Variants in APLP2 observed in about 807,000 individuals in gnomAD.
APLP2 encodes the protein CDEI box-binding protein.
A neutral mutation model predicts 89.9 loss-of-function variants in APLP2; 53 were observed. The observed-to-expected ratio is 0.59, with a 90% CI of 0.47 to 0.74. The LOEUF (loss-of-function observed/expected upper bound fraction) is 0.74, where lower values mean the gene tolerates loss of function less well. Among genes scored for constraint, APLP2 ranks in the 30% least tolerant of loss-of-function variants. APLP2 has a pLI of 0.00. For synonymous variants in APLP2, 372 were observed against 348.6 expected (o/e 1.07, Z -0.75); for missense variants, 973 against 975.9 (o/e 1.00, Z 0.04).
At chr11:130,089,187 T>G (rs1228189773) in intron 1 of APLP2, among the ~76,000 whole-genome samples, 3 of 152,220 alleles carry the variant, frequency 2.0e-5, no homozygotes, top group Non-Finnish European at 2.9e-5. Context: ...TCTGTCACTT[T>G]CCTATTCACA....
chr11:130,129,002 CTCT>C, intron 9 of APLP2, 43 bp from the exon 10 acceptor site: 1 of 1,581,908 alleles, frequency 6.3e-7, no homozygotes, highest in Non-Finnish European at 8.6e-7. Context: ...CTTAGGCTTC[CTCT>C]GGGTGCCACA....
intron 11 of APLP2, among the ~76,000 whole-genome samples, chr11:130,132,413 C>T (rs777549982): frequency 6.6e-6 from 1 of 151,844 alleles, no homozygotes; most frequent in Non-Finnish European, 1.5e-5. Context: ...CATAATTAAT[C>T]CACTGGTTTC....
chr11:130,101,714 C>T (rs936914712), intron 1 of APLP2, among the ~76,000 whole-genome samples: 1 of 152,104 alleles, frequency 6.6e-6, no homozygotes, highest in African/African-American at 2.4e-5. Context: ...CAAGAGTTCC[C>T]CTATACTGTA....
chr11:130,094,505 T>G (rs1945927494), intron 1 of APLP2, among the ~76,000 whole-genome samples: 1 of 152,166 alleles, frequency 6.6e-6, no homozygotes, highest in African/African-American at 2.4e-5. Flanking sequence ...TACTTCTATA[T>G]GTAAAAAAAC....
intron 5 of APLP2, among the ~76,000 whole-genome samples, 194 bp from the exon 6 acceptor site, chr11:130,122,111 G>A (rs1949891211): frequency 1.3e-5 from 2 of 152,118 alleles, no homozygotes; most frequent in Non-Finnish European, 2.9e-5. Flanking sequence ...GTTGTATCAT[G>A]ATTAGATTCA....
chr11:130,130,498 G>T (rs529241752), intron 11 of APLP2, among the ~76,000 whole-genome samples: 4 of 152,182 alleles, frequency 2.6e-5, no homozygotes, highest in East Asian at 1.9e-4. Flanking sequence ...TTAAAAATTG[G>T]TCTCTTGTTT....
At chr11:130,135,501 C>A in intron 12 of APLP2, 62 bp from the exon 13 acceptor site, 1 of 1,572,178 alleles carries the variant, frequency 6.4e-7, no homozygotes, top group Non-Finnish European at 8.7e-7. Flanking sequence ...CTAGAGCATC[C>A]TGTGCCTGGA....
At chr11:130,086,341 G>A (rs758439139) in intron 1 of APLP2, among the ~76,000 whole-genome samples, 4 of 152,174 alleles carry the variant, frequency 2.6e-5, no homozygotes, top group Non-Finnish European at 5.9e-5. Context: ...AAAAATGTCC[G>A]TTGAAGTCTT....
intron 13 of APLP2, chr11:130,138,810 G>A (rs1014549227): frequency 6.7e-6 from 1 of 149,122 alleles, no homozygotes; most frequent in Non-Finnish European, 1.5e-5. Flanking sequence ...TGTTGCCCAG[G>A]CTGGTCTCGA....
At chr11:130,133,417 C>G (rs574386799) in intron 11 of APLP2, among the ~76,000 whole-genome samples, 10 of 152,254 alleles carry the variant, frequency 6.6e-5, no homozygotes, top group Admixed American at 2.6e-4. Context: ...GCCACCACGC[C>G]CAGGCTGAAC....
At chr11:130,090,268 T>A (rs1007776184) in intron 1 of APLP2, among the ~76,000 whole-genome samples, 85 of 126,282 alleles carry the variant, frequency 6.7e-4, no homozygotes, top group Middle Eastern at 3.8e-3. Context: ...TTTTTTTTTT[T>A]AAATTTATTT....
intron 1 of APLP2, among the ~76,000 whole-genome samples, chr11:130,075,367 A>T (rs1331682873): frequency 1.3e-5 from 2 of 152,204 alleles, no homozygotes; most frequent in Non-Finnish European, 2.9e-5. Context: ...CTATTTTTTT[A>T]AAGATGAAGA....
intron 3 of APLP2, 26 bp from the exon 4 acceptor site, chr11:130,120,680 G>A (rs747990444): frequency 1.3e-5 from 20 of 1,549,822 alleles, no homozygotes; most frequent in Middle Eastern, 1.7e-4. Flanking sequence ...GGTCAGATCC[G>A]CTCTGACAAA....
At chr11:130,119,942 GT>G (rs1210938483) in intron 3 of APLP2, among the ~76,000 whole-genome samples, 2 of 152,164 alleles carry the variant, frequency 1.3e-5, no homozygotes, top group Admixed American at 6.5e-5. Context: ...ATCTAGGATA[GT>G]TCCCTAGTCT....
rs552203834 is a variant in APLP2, at chr11:130,144,035, T to G, written c.*587T>G. Reference sequence around the variant, plus strand: ...GACCAGTTTCTTGAAGTCCAGTGTTTCCACGGCTGGATACCTGTGTGTCTC... The same window carrying G: ...GACCAGTTTCTTGAAGTCCAGTGTTGCCACGGCTGGATACCTGTGTGTCTC... On this transcript the variant is annotated 3_prime_UTR_variant, in exon 17 of 17. Transcript: ENST00000338167. 1 of 153,144 alleles carries G rather than the reference T, an allele frequency of 6.5e-6. No homozygotes were observed. Among genetic ancestry groups the G allele is most frequent in the Non-Finnish European group, 1.5e-5 (1 of 68,650 alleles). The allele number at this position is 153,144 out of a possible 1,614,324, so 9.5% of individuals were successfully genotyped here.
At chr11:130,073,337 A>G (rs889881899) in intron 1 of APLP2, among the ~76,000 whole-genome samples, 2 of 152,188 alleles carry the variant, frequency 1.3e-5, no homozygotes, top group East Asian at 1.9e-4. Flanking sequence ...TGTGGCTCAC[A>G]TTGTATTTCT....
intron 1 of APLP2, among the ~76,000 whole-genome samples, chr11:130,074,629 T>G (rs994231294): frequency 1.3e-5 from 2 of 152,178 alleles, no homozygotes; most frequent in African/African-American, 4.8e-5. Context: ...TGTAAGAAAT[T>G]TAAAAGTACA....
rs142875827 is a variant in APLP2 at position 130,073,368 on chromosome 11, A to G, written c.105+3286A>G. On this transcript the variant is annotated intron_variant, in intron 1 of 16. Coordinates refer to ENST00000338167, the MANE Select transcript of APLP2 (RefSeq NM_001142276.2). ...TTTCTGTTAGATGGTGCTGATTTAA[A>G]ATTTTGCTTAAAGTTGGTCCTGCAT... Among the ~76,000 whole-genome samples, 299 of 152,302 alleles carry G rather than the reference A, an allele frequency of 2.0e-3. 1 individual carries two copies. Among genetic ancestry groups the G allele is most frequent in the African/African-American group, 6.0e-3 (249 of 41,564 alleles).
chr11:130,084,205 C>T (rs1479229541), intron 1 of APLP2, among the ~76,000 whole-genome samples: 1 of 151,726 alleles, frequency 6.6e-6, no homozygotes, highest in Admixed American at 6.6e-5. Flanking sequence ...GAGATTGCAC[C>T]ACTGCACTCC....
Sources: allele counts gnomAD v4.1 joint callset (sites outside exome capture counted in the v4.1 genomes callset), GRCh38; gene constraint gnomAD v4.1.1; transcripts MANE v1.5; gene names NCBI Gene and HGNC (gene_info 2026-07-23, HGNC 2026-07-21).